The following KANSL1 variants were observed in gnomAD, a reference collection of about 807,000 sequenced individuals.
The protein encoded by KANSL1 is MLL1/MLL complex subunit KANSL1.
In KANSL1, 22 loss-of-function variants were observed where a neutral mutation model predicts 103.6. The ratio of observed to expected loss-of-function variants is 0.21; its 90% CI spans 0.15 to 0.30. The LOEUF (loss-of-function observed/expected upper bound fraction) is 0.30. Among genes scored for constraint, KANSL1 ranks in the 10% least tolerant of loss-of-function variants. The probability of loss-of-function intolerance (pLI) is 1.00; values close to 1 mark genes in which losing one functional copy is unlikely to be tolerated. For missense variants in KANSL1, 1,337 were observed against 1,399.8 expected (o/e 0.96, Z 0.72); for synonymous variants, 600 against 527.6 (o/e 1.14, Z -1.88).
At chr17:46,059,073 A>G (rs2078052204) in intron 6 of KANSL1, among the ~76,000 whole-genome samples, 1 of 151,786 alleles carries the variant, frequency 6.6e-6, no homozygotes, top group African/African-American at 2.4e-5. Context: ...AAAGAAAGAA[A>G]AAAAAAAGAG....
chr17:46,096,311 C>CTTTTTCTTTTTT (rs1555760872), intron 2 of KANSL1, among the ~76,000 whole-genome samples: 1 of 76,408 alleles, frequency 1.3e-5, no homozygotes, highest in African/African-American at 5.6e-5. Context: ...GCTTTTTTTT[C>CTTTTTCTTTTTT]TTTTTTTTTT....
chr17:46,039,379 T>C, intron 8 of KANSL1, 164 bp from the exon 9 acceptor site: 2 of 659,960 alleles, frequency 3.0e-6, no homozygotes, highest in Non-Finnish European at 4.9e-6. Context: ...ATGGCTAGGA[T>C]AGGCACAGGG....
chr17:46,137,603 C>T (rs992557711), intron 2 of KANSL1, among the ~76,000 whole-genome samples: 1 of 152,122 alleles, frequency 6.6e-6, no homozygotes, highest in Admixed American at 6.5e-5. Flanking sequence ...TCGCCGGGCG[C>T]GGTAGCTCAT....
chr17:46,087,581 T>C (rs2079214164), intron 3 of KANSL1, among the ~76,000 whole-genome samples: 1 of 152,180 alleles, frequency 6.6e-6, no homozygotes, highest in Non-Finnish European at 1.5e-5. Flanking sequence ...GACAAAGTAT[T>C]ATGACAGTAC....
At chr17:46,185,081 C>G (rs980958787) in intron 1 of KANSL1, among the ~76,000 whole-genome samples, 2 of 152,146 alleles carry the variant, frequency 1.3e-5, no homozygotes, top group African/African-American at 4.8e-5. Flanking sequence ...CCAGCCTCGG[C>G]CTCCCAAAGT....
chr17:46,178,223 G>A (rs1205115100), intron 1 of KANSL1, among the ~76,000 whole-genome samples: 1 of 151,968 alleles, frequency 6.6e-6, no homozygotes, highest in Non-Finnish European at 1.5e-5. Context: ...AGAAGCTCAG[G>A]GCTAAAGGAA....
intron 7 of KANSL1, among the ~76,000 whole-genome samples, chr17:46,046,676 A>G (rs2077520168): frequency 6.6e-6 from 1 of 151,578 alleles, no homozygotes; most frequent in Non-Finnish European, 1.5e-5. Context: ...ATCTCTACTA[A>G]AAGTACAAAA....
chr17:46,131,907 T>A (rs149042304), intron 2 of KANSL1, among the ~76,000 whole-genome samples: 112 of 152,104 alleles, frequency 7.4e-4, no homozygotes, highest in African/African-American at 2.5e-3. Flanking sequence ...GGCAGGTGGA[T>A]CACAAACTCA....
chr17:46,099,848 TA>T (rs1451140936), intron 2 of KANSL1, among the ~76,000 whole-genome samples: 1 of 152,246 alleles, frequency 6.6e-6, no homozygotes, highest in Non-Finnish European at 1.5e-5. Flanking sequence ...TTTTTATTGG[TA>T]AAAATGGCTT....
At position 46,159,277 on chromosome 17, in the gene KANSL1, C is replaced by T. The variant is rs557850197; in HGVS notation, c.1289+11578G>A. Among the ~76,000 whole-genome samples, 20 of 152,318 alleles carry T rather than the reference C, an allele frequency of 1.3e-4. No individual in the cohort carries two copies. The South Asian group carries it at 4.1e-3, about 32-fold the overall frequency. ...CAATATTCTTCCAAAAAGTACAGTC[C>T]TAATTTTAAAAGTGAGGAACTCGAG... On this transcript the variant is annotated intron_variant, in intron 2 of 14. Coordinates refer to ENST00000432791, the MANE Select transcript of KANSL1 (RefSeq NM_015443.4).
At chr17:46,097,590 GACA>G (rs998628731) in intron 2 of KANSL1, among the ~76,000 whole-genome samples, 10 of 152,204 alleles carry the variant, frequency 6.6e-5, no homozygotes, top group African/African-American at 2.4e-4. Flanking sequence ...ATGGAAATGT[GACA>G]ACATTAACAT....
chr17:46,122,316 C>T (rs2043316912), intron 2 of KANSL1, among the ~76,000 whole-genome samples: 1 of 152,212 alleles, frequency 6.6e-6, no homozygotes, highest in Admixed American at 6.5e-5. Flanking sequence ...TTTCTAGCCA[C>T]TAACACAGCC....
At chr17:46,188,984 G>C (rs546449416) in intron 1 of KANSL1, among the ~76,000 whole-genome samples, 1 of 129,422 alleles carries the variant, frequency 7.7e-6, no homozygotes, top group East Asian at 2.3e-4. Flanking sequence ...AGTGAGCCAA[G>C]ATCGCGCCAC....
chr17:46,084,848 T>C (rs565904840), intron 3 of KANSL1, among the ~76,000 whole-genome samples: 17 of 152,190 alleles, frequency 1.1e-4, no homozygotes, highest in African/African-American at 3.9e-4. Flanking sequence ...TTTTCTTCCC[T>C]AAATCAAAAG....
At chr17:46,082,569 C>A in intron 3 of KANSL1, 27 bp from the exon 4 acceptor site, 1 of 1,312,474 alleles carries the variant, frequency 7.6e-7, no homozygotes, top group Non-Finnish European at 1.1e-6. Flanking sequence ...AGAAAAATAG[C>A]ATAAGTGAGC....
chr17:46,205,043 AGG>A (rs1280460775), intron 1 of KANSL1, among the ~76,000 whole-genome samples: 3 of 152,238 alleles, frequency 2.0e-5, no homozygotes, highest in Non-Finnish European at 4.4e-5. Context: ...TTTCTCCCTC[AGG>A]TCAAGAACAA....
intron 2 of KANSL1, among the ~76,000 whole-genome samples, chr17:46,133,403 T>C (rs1276051323): frequency 1.3e-5 from 2 of 152,250 alleles, no homozygotes; most frequent in African/African-American, 2.4e-5. Context: ...AGAAGACAGG[T>C]GGTAAACGAT....
At chr17:46,161,350 G>T (rs1179763534) in intron 2 of KANSL1, among the ~76,000 whole-genome samples, 1 of 151,862 alleles carries the variant, frequency 6.6e-6, no homozygotes, top group Non-Finnish European at 1.5e-5. Context: ...GCAGGAGAAT[G>T]GCGTGAACCT....
chr17:46,078,411 G>A (rs1236579087), intron 4 of KANSL1, among the ~76,000 whole-genome samples: 1 of 152,178 alleles, frequency 6.6e-6, no homozygotes, highest in Non-Finnish European at 1.5e-5. Context: ...ACATGTGCAG[G>A]TCAGGGGTGA....
Sources: gnomAD v4.1 joint callset for allele counts (sites outside exome capture counted in the v4.1 genomes callset) on GRCh38, gnomAD v4.1.1 for gene constraint, MANE v1.5 for transcripts, NCBI Gene and HGNC (gene_info 2026-07-23, HGNC 2026-07-21) for gene names.